PRKG2: variants seen among roughly 807,000 people sequenced by gnomAD.
PRKG2 encodes protein kinase cGMP-dependent 2.
Under a neutral mutation model 97.2 loss-of-function variants are expected in PRKG2, and 33 were observed. The ratio of observed to expected loss-of-function variants is 0.34; its 90% CI spans 0.26 to 0.45. The LOEUF (loss-of-function observed/expected upper bound fraction) is 0.45, where lower values mean the gene tolerates loss of function less well. PRKG2 is among the 20% of genes least tolerant of loss of function. The pLI, the probability that PRKG2 is intolerant of heterozygous loss-of-function variation, is 1.00. For missense variants in PRKG2, 638 were observed against 900.0 expected, an observed-to-expected ratio of 0.71 and a Z score of 3.73; for synonymous variants, 330 against 321.8, an observed-to-expected ratio of 1.03 and a Z score of -0.27.
chr4:81,157,793 G>A (rs1199858858), intron 6 of PRKG2, among the ~76,000 whole-genome samples: 7 of 151,108 alleles, frequency 4.6e-5, no homozygotes, highest in Admixed American at 4.6e-4. Flanking sequence ...ATCAATAGAT[G>A]TAATCCAGCA....
rs1199181433 is a variant in PRKG2 at position 81,104,499 on chromosome 4, T to C, written c.2064-67A>G. On this transcript the variant is annotated intron_variant, in intron 16 of 18. Coordinates refer to ENST00000264399, the MANE Select transcript of PRKG2 (RefSeq NM_006259.3). The stretch of plus-strand genomic sequence containing the variant: ...TTTATAATAATTATAATTCAGAAAA[T>C]TTTAAATTAAAACTTAACATCTATT... 1.7e-5 allele frequency: 13 copies of C among 785,412 alleles called. No individual in the cohort carries two copies. The Admixed American group carries it at 3.9e-4, about 23-fold the overall frequency. 48.7% of individuals were successfully genotyped at this position (785,412 alleles called of 1,614,324 possible).
chr4:81,129,911 G>A (rs1247736572), intron 14 of PRKG2, among the ~76,000 whole-genome samples: 2 of 152,044 alleles, frequency 1.3e-5, no homozygotes, highest in African/African-American at 4.8e-5. Flanking sequence ...TAGTTGATGC[G>A]GTTTCTTCAT....
intron 14 of PRKG2, among the ~76,000 whole-genome samples, chr4:81,124,050 C>T (rs1745320729): frequency 1.3e-5 from 2 of 152,128 alleles, no homozygotes; most frequent in Admixed American, 6.5e-5. Context: ...GGTCACCACT[C>T]CTTGTGGCAT....
intron 14 of PRKG2, among the ~76,000 whole-genome samples, chr4:81,126,903 G>T (rs950714618): frequency 5.3e-5 from 8 of 152,150 alleles, no homozygotes; most frequent in Non-Finnish European, 1.2e-4. Flanking sequence ...TTTTGGCTTT[G>T]GTTGCCATTG....
At chr4:81,182,956 C>T (rs2110099051) in intron 2 of PRKG2, among the ~76,000 whole-genome samples, 1 of 152,014 alleles carries the variant, frequency 6.6e-6, no homozygotes, top group South Asian at 2.1e-4. Flanking sequence ...TAATTATATT[C>T]AGGTTGATCA....
At chr4:81,139,222 G>C (rs903298676) in intron 12 of PRKG2, among the ~76,000 whole-genome samples, 1 of 152,088 alleles carries the variant, frequency 6.6e-6, no homozygotes, top group Non-Finnish European at 1.5e-5. Context: ...CTACTACTAG[G>C]ACCAGGGTAC....
At chr4:81,189,073 A>AT (rs1752214992) in intron 2 of PRKG2, among the ~76,000 whole-genome samples, 3 of 107,484 alleles carry the variant, frequency 2.8e-5, no homozygotes, top group Non-Finnish European at 4.9e-5. Flanking sequence ...TAATAAAAAA[A>AT]AAAAAAAAAA....
intron 9 of PRKG2, among the ~76,000 whole-genome samples, chr4:81,147,933 C>T (rs78354648): frequency 0.095 from 14,471 of 151,980 alleles, 1,894 homozygotes; most frequent in African/African-American, 0.29. Flanking sequence ...GTGGAGATAG[C>T]AGGAAGTGGT....
chr4:81,115,310 A>C (rs1358358332), intron 14 of PRKG2, among the ~76,000 whole-genome samples: 1 of 152,210 alleles, frequency 6.6e-6, no homozygotes, highest in African/African-American at 2.4e-5. Flanking sequence ...TGAGTATAAA[A>C]TCACTGTGGT....
At chr4:81,134,118 G>T (rs1339845293) in intron 14 of PRKG2, among the ~76,000 whole-genome samples, 1 of 152,108 alleles carries the variant, frequency 6.6e-6, no homozygotes, top group East Asian at 1.9e-4. Flanking sequence ...AAGTTAGCCA[G>T]ATTTCACATG....
intron 2 of PRKG2, among the ~76,000 whole-genome samples, chr4:81,176,339 A>T (rs1457546035): frequency 6.6e-6 from 1 of 152,170 alleles, no homozygotes; most frequent in Admixed American, 6.5e-5. Context: ...CTTGGACTTA[A>T]GCTTCTAGCC....
chr4:81,175,764 A>G (rs1750868741), intron 2 of PRKG2, among the ~76,000 whole-genome samples: 1 of 152,208 alleles, frequency 6.6e-6, no homozygotes, highest in Non-Finnish European at 1.5e-5. Flanking sequence ...TATTTTGGAA[A>G]AGATGTAGCT....
At chr4:81,174,574 G>A (rs1469675660) in intron 3 of PRKG2, among the ~76,000 whole-genome samples, 1 of 151,882 alleles carries the variant, frequency 6.6e-6, no homozygotes, top group African/African-American at 2.4e-5. Flanking sequence ...TGCTCAATAG[G>A]ATGCCTGATA....
chr4:81,150,185 A>G (rs1284510923), intron 8 of PRKG2, among the ~76,000 whole-genome samples: 1 of 152,180 alleles, frequency 6.6e-6, no homozygotes, highest in Admixed American at 6.6e-5. Context: ...TTGTAGGCCA[A>G]CCATTTGATC....
rs751038377 is a variant in PRKG2, at chr4:81,142,809, G to A, written c.1392C>T (p.Phe464=). Residue 464 remains phenylalanine (F), a synonymous_variant, in exon 11 of 19, where the codon TTC becomes TTT. Coordinates refer to ENST00000264399, the MANE Select transcript of PRKG2 (RefSeq NM_006259.3). ...AACCCCTTACAAGCTCAACTCTTCC[G>A]AACCCACCAACGCCCAGTGTTGCAA... ...EIIATLGVGG[F]GRVELVKVKN... is the part of the protein sequence containing the mutation. The A allele has an allele frequency of 1.9e-6, 3 of 1,603,744 alleles. No individual in the cohort carries two copies. Among genetic ancestry groups the A allele is most frequent in the East Asian group, 2.2e-5 (1 of 44,802 alleles).
chr4:81,186,882 G>T (rs1047785969), intron 2 of PRKG2, among the ~76,000 whole-genome samples: 1 of 152,018 alleles, frequency 6.6e-6, no homozygotes, highest in African/African-American at 2.4e-5. Flanking sequence ...TAGAAGAAAT[G>T]GATAAATACC....
rs28664024 is a variant in PRKG2, at chr4:81,140,420, T to C, written c.1544+113A>G. Reference sequence around the variant, plus strand: ...ACATTTCATGTACCCCATAAATATATATGCCTACTATGTACCCACAAAAAT... The same window carrying C: ...ACATTTCATGTACCCCATAAATATACATGCCTACTATGTACCCACAAAAAT... On this transcript the variant is annotated intron_variant, in intron 12 of 18. Transcript: ENST00000264399. 19,639 of 894,424 alleles carry C rather than the reference T, an allele frequency of 0.022. 2,749 individuals carry two copies. The African/African-American group carries it at 0.3, about 14-fold the overall frequency. The allele number at this position is 894,424 out of a possible 1,614,324, so 55.4% of individuals were successfully genotyped here.
chr4:81,135,221 T>C lies in PRKG2; in HGVS notation c.1710A>G (p.Leu570=). The C allele has an allele frequency of 1.2e-6, 2 of 1,612,940 alleles. No homozygotes were observed. The highest frequency in any genetic ancestry group is 1.7e-6 in the Non-Finnish European group (2 of 1,179,136). The change falls in exon 14 of 19, where the codon CTA becomes CTG. Residue 570 remains leucine, a synonymous_variant. Transcript: ENST00000264399. ...GTTTCAAGTCTCTGTAGATAATACC[T>C]AGTCGATGCAGGTAATCAAATGCTT... The part of the protein sequence containing the change: ...VTEAFDYLHR[L]GIIYRDLKPE...
chr4:81,097,282 A>G (rs1742216924), intron 17 of PRKG2, among the ~76,000 whole-genome samples: 1 of 152,182 alleles, frequency 6.6e-6, no homozygotes, highest in Admixed American at 6.6e-5. Context: ...GACTAGGTGC[A>G]TTGTCAATGA....
Sources: gnomAD v4.1 joint callset for allele counts (sites outside exome capture counted in the v4.1 genomes callset) on GRCh38, gnomAD v4.1.1 for gene constraint, MANE v1.5 for transcripts, NCBI Gene and HGNC (gene_info 2026-07-23, HGNC 2026-07-21) for gene names.